ARHGAP8: variants seen among roughly 807,000 people sequenced by gnomAD.
The protein encoded by ARHGAP8 is rho GTPase-activating protein 8.
In ARHGAP8, 62 loss-of-function variants were observed where a neutral mutation model predicts 46.1. The ratio of observed to expected loss-of-function variants is 1.34; its 90% confidence interval spans 1.10 to 1.66. The LOEUF (loss-of-function observed/expected upper bound fraction) is 1.66, where lower values mean the gene tolerates loss of function less well. Ranked by LOEUF, ARHGAP8 falls within the 40% of genes most tolerant of loss-of-function variation. The pLI, the probability that ARHGAP8 is intolerant of heterozygous loss-of-function variation, is 0.00. For missense variants in ARHGAP8, 923 were observed against 568.4 expected, an observed-to-expected ratio of 1.62 and a Z score of -6.34; for synonymous variants, 375 against 243.1, an observed-to-expected ratio of 1.54 and a Z score of -5.05.
chr22:44,861,549 C>G (rs1373091922), intron 11 of ARHGAP8, among the ~76,000 whole-genome samples: 1 of 152,184 alleles, frequency 6.6e-6, no homozygotes, highest in Non-Finnish European at 1.5e-5. Flanking sequence ...GGCCCTGCCT[C>G]CCTCCAGTTC....
intron 2 of ARHGAP8, among the ~76,000 whole-genome samples, chr22:44,790,667 ACT>A (rs1394491406): frequency 9.5e-6 from 1 of 105,422 alleles, no homozygotes; most frequent in African/African-American, 3.9e-5. Context: ...CAAGAGCAAA[ACT>A]CTGTCTCAAA....
chr22:44,831,490 G>A (rs1329927417), intron 7 of ARHGAP8, among the ~76,000 whole-genome samples: 3 of 151,850 alleles, frequency 2.0e-5, no homozygotes, highest in Non-Finnish European at 4.4e-5. Flanking sequence ...GAGGTCAGGA[G>A]TTCAAGACCA....
At position 44,770,011 on chromosome 22, in the gene ARHGAP8, C is replaced by T. The variant is rs561454339; in HGVS notation, c.-71-16446C>T. Among the ~76,000 whole-genome samples, 60 of 152,172 alleles carry T rather than the reference C, an allele frequency of 3.9e-4. No homozygotes were observed. In the South Asian group the frequency reaches 5.0e-3, roughly 13 times the overall value. On this transcript the variant is annotated intron_variant, in intron 1 of 11. Coordinates refer to ENST00000356099, the MANE Select transcript of ARHGAP8 (RefSeq NM_181335.3). ...CTGTAATGCCAGCACTTTGGGAGGC[C>T]GAGGCAGGTGGATCACGAGGTCAGG...
intron 1 of ARHGAP8, among the ~76,000 whole-genome samples, chr22:44,785,826 C>T (rs1466996644): frequency 6.6e-6 from 1 of 152,194 alleles, no homozygotes; most frequent in Non-Finnish European, 1.5e-5. Context: ...GCAGTGACCC[C>T]AGTGCCTGCC....
chr22:44,798,808 C>T (rs529066594), intron 2 of ARHGAP8, among the ~76,000 whole-genome samples: 55 of 152,196 alleles, frequency 3.6e-4, no homozygotes, highest in African/African-American at 1.3e-3. Context: ...GCTCCTTCAC[C>T]AGGCTGGAGT....
chr22:44,848,057 G>T lies in ARHGAP8; in HGVS notation c.748+7G>T, dbSNP rs771244776. 42 of 1,605,096 alleles carry T rather than the reference G, an allele frequency of 2.6e-5. No homozygotes were observed. Among genetic ancestry groups the T allele is most frequent in the Non-Finnish European group, 3.5e-5 (41 of 1,179,896 alleles). ...CAGAGGCTCTACAACCAAGGTGAGG[G>T]TGTCCCGCAGTCCTGAGCCCCGAGC... is the stretch of plus-strand genomic sequence containing the variant. On this transcript the variant is annotated splice_region_variant and intron_variant, in intron 9 of 11. Transcript: ENST00000356099.
Position 44,851,437 on chromosome 22 carries a change from T to C in ARHGAP8, c.877+2377T>C, listed in dbSNP as rs562342617. ...TTTATTTATTTAATTTTTGAGACAGTGTCTCGCTCTGTCGCCCAGGCTGGA... is the reference window on the plus strand; with the variant it reads ...TTTATTTATTTAATTTTTGAGACAGCGTCTCGCTCTGTCGCCCAGGCTGGA... On this transcript the variant is annotated intron_variant, in intron 10 of 11. Transcript: ENST00000356099. Among the ~76,000 whole-genome samples, 3 of 152,252 alleles carry C rather than the reference T, an allele frequency of 2.0e-5. 1 individual carries two copies. The highest frequency in any genetic ancestry group is 6.5e-5 in the Admixed American group (1 of 15,286).
At chr22:44,837,444 T>G (rs1293438585) in intron 7 of ARHGAP8, among the ~76,000 whole-genome samples, 1 of 152,180 alleles carries the variant, frequency 6.6e-6, no homozygotes, top group Non-Finnish European at 1.5e-5. Flanking sequence ...CTGCCCAGCA[T>G]GCATCTTGGA....
intron 11 of ARHGAP8, among the ~76,000 whole-genome samples, 174 bp downstream of exon 11, chr22:44,860,008 T>C (rs1003657512): frequency 9.1e-6 from 1 of 110,358 alleles, no homozygotes; most frequent in African/African-American, 2.9e-5. Context: ...CAGGCACCCA[T>C]GCTGCTGCGG....
chr22:44,800,398 AC>A (rs148862791), intron 2 of ARHGAP8, among the ~76,000 whole-genome samples: 41,373 of 151,788 alleles, frequency 0.27, 6,521 homozygotes, highest in East Asian at 0.44. Context: ...GAGCCACTGC[AC>A]CCGGCCTGAT....
At chr22:44,820,167 A>G (rs971285736) in intron 5 of ARHGAP8, among the ~76,000 whole-genome samples, 2 of 152,194 alleles carry the variant, frequency 1.3e-5, no homozygotes, top group African/African-American at 2.4e-5. Flanking sequence ...ACTCTGCCGC[A>G]CGCCGTGTTG....
intron 4 of ARHGAP8, chr22:44,809,165 T>G (rs1238981251): frequency 2.1e-6 from 1 of 471,132 alleles, no homozygotes; most frequent in Non-Finnish European, 4.4e-6. Flanking sequence ...ATTTTAGCTT[T>G]GCAGGCCTGT....
chr22:44,854,252 T>TC (rs1288003146), intron 10 of ARHGAP8, among the ~76,000 whole-genome samples: 1 of 150,926 alleles, frequency 6.6e-6, no homozygotes, highest in Non-Finnish European at 1.5e-5. Flanking sequence ...TTTTTTTTTT[T>TC]TTGAGACGGA....
chr22:44,824,500 C>T (rs1235356418), intron 6 of ARHGAP8, among the ~76,000 whole-genome samples: 1 of 152,220 alleles, frequency 6.6e-6, no homozygotes, highest in Non-Finnish European at 1.5e-5. Flanking sequence ...CATGTGCCCC[C>T]CCATCCTGTG....
rs1027499198 is a variant in ARHGAP8 at position 44,767,863 on chromosome 22, A to AC, written c.-72+15240dup. On this transcript the variant is annotated intron_variant, in intron 1 of 11. Coordinates refer to ENST00000356099, the MANE Select transcript of ARHGAP8 (RefSeq NM_181335.3). ...ACTCCAGCCTGGGCGACAGAGTGAG[A>AC]CCCCATCTCAAAAAAAAAAAAAAGA... Among the ~76,000 whole-genome samples the AC allele has an allele frequency of 4.5e-5, 6 of 132,688 alleles. No homozygotes were observed. The East Asian group carries it at 8.6e-4, about 19-fold the overall frequency. 87.0% of individuals were successfully genotyped at this position (132,688 alleles called of 152,430 possible). A position where few individuals can be genotyped will look rare whatever the true frequency, so the allele number is the denominator to read the frequency against.
rs1159318370 is a variant in ARHGAP8 at position 44,797,438 on chromosome 22, A to G, written c.80-4639A>G. Among the ~76,000 whole-genome samples, 3 of 152,180 alleles carry G rather than the reference A, an allele frequency of 2.0e-5. No homozygotes were observed. In the East Asian group the frequency reaches 5.8e-4, roughly 29 times the overall value. ...AGACACTTTGTCTGGAAAACACTCT[A>G]CTTTCAGGCATAGCCATTGAAGATT... On this transcript the variant is annotated intron_variant, in intron 2 of 11. Transcript: ENST00000356099.
chr22:44,830,224 G>A (rs9637349), intron 7 of ARHGAP8, among the ~76,000 whole-genome samples: 11,281 of 151,990 alleles, frequency 0.074, 817 homozygotes, highest in East Asian at 0.42. Context: ...GGGTTTTGCC[G>A]TGTTGGCCAG....
At chr22:44,808,495 G>T in intron 4 of ARHGAP8, 57 bp downstream of exon 4, 1 of 1,597,542 alleles carries the variant, frequency 6.3e-7, no homozygotes, top group Admixed American at 1.7e-5. Flanking sequence ...GCAGGAGGAG[G>T]CATTGTGGCC....
At chr22:44,792,812 T>TGGTGTTGG (rs56751591) in intron 2 of ARHGAP8, among the ~76,000 whole-genome samples, 1 of 124,912 alleles carries the variant, frequency 8.0e-6, no homozygotes. Context: ...GTGGTGGTGG[T>TGGTGTTGG]TTTTTTTGTT....
Sources: allele counts gnomAD v4.1 joint callset (sites outside exome capture counted in the v4.1 genomes callset), GRCh38; gene constraint gnomAD v4.1.1; transcripts MANE v1.5; gene names NCBI Gene and HGNC (gene_info 2026-07-23, HGNC 2026-07-21).